Variants in SGMS1 observed in about 807,000 individuals in gnomAD.
The protein encoded by SGMS1 is sphingomyelin synthase 1.
Under a neutral mutation model 46.2 loss-of-function variants are expected in SGMS1, and 13 were observed. The observed-to-expected ratio is 0.28, with a 90% confidence interval of 0.18 to 0.45. The LOEUF is 0.45. Among genes scored for constraint, SGMS1 ranks in the 20% least tolerant of loss-of-function variants. SGMS1 has a pLI of 1.00. For synonymous variants in SGMS1, 203 were observed against 187.8 expected, an observed-to-expected ratio of 1.08 and a Z score of -0.66; for missense variants, 324 against 519.9, an observed-to-expected ratio of 0.62 and a Z score of 3.66.
intron 9 of SGMS1, among the ~76,000 whole-genome samples, chr10:50,310,382 GAATA>G (rs533076919): frequency 3.6e-4 from 55 of 152,284 alleles, no homozygotes; most frequent in African/African-American, 1.3e-3. Flanking sequence ...GTAGAGAAAT[GAATA>G]AATATGTGTA....
chr10:50,456,622 T>C (rs539766440), intron 5 of SGMS1, among the ~76,000 whole-genome samples: 14 of 152,118 alleles, frequency 9.2e-5, no homozygotes, highest in Non-Finnish European at 1.9e-4. Flanking sequence ...AATACTACAT[T>C]ATGCATGTCT....
At chr10:50,573,667 C>A (rs1054445046) in intron 2 of SGMS1, among the ~76,000 whole-genome samples, 17 of 151,992 alleles carry the variant, frequency 1.1e-4, no homozygotes, top group African/African-American at 3.6e-4. Flanking sequence ...AGACAAAAAT[C>A]CTAAAATTTG....
chr10:50,616,699 T>C (rs1176536142), intron 1 of SGMS1, among the ~76,000 whole-genome samples: 3 of 152,192 alleles, frequency 2.0e-5, no homozygotes, highest in African/African-American at 7.2e-5. Flanking sequence ...AAAACACCTA[T>C]TAGCCTCCCT....
chr10:50,544,362 G>A (rs1340019159), intron 2 of SGMS1, among the ~76,000 whole-genome samples: 1 of 152,166 alleles, frequency 6.6e-6, no homozygotes, highest in Non-Finnish European at 1.5e-5. Context: ...GGAATCCAGA[G>A]CTCTAAACAA....
chr10:50,327,558 G>C (rs1055934667), intron 7 of SGMS1, among the ~76,000 whole-genome samples: 3 of 152,138 alleles, frequency 2.0e-5, no homozygotes, highest in African/African-American at 4.8e-5. Flanking sequence ...GGTTTATATT[G>C]CTATTAATTA....
intron 2 of SGMS1, among the ~76,000 whole-genome samples, chr10:50,537,715 TG>T (rs1196358370): frequency 6.6e-6 from 1 of 151,912 alleles, no homozygotes; most frequent in Non-Finnish European, 1.5e-5. Flanking sequence ...TGGTAGTTTT[TG>T]AAATAGGAAT....
intron 7 of SGMS1, among the ~76,000 whole-genome samples, chr10:50,329,063 T>G (rs1173442947): frequency 2.0e-5 from 3 of 152,150 alleles, no homozygotes; most frequent in Non-Finnish European, 2.9e-5. Context: ...GCTGAACTCT[T>G]TAGAGGAAGA....
chr10:50,588,941 G>A (rs777767101), intron 2 of SGMS1, among the ~76,000 whole-genome samples: 2 of 152,010 alleles, frequency 1.3e-5, no homozygotes, highest in Non-Finnish European at 2.9e-5. Context: ...ATGTTGGCCA[G>A]GCAGGTCTTA....
At position 50,523,146 on chromosome 10, in the gene SGMS1, C is replaced by A. The variant is rs146112858; in HGVS notation, c.-588-3225G>T. Among the ~76,000 whole-genome samples the A allele has an allele frequency of 2.9e-3, 435 of 152,272 alleles. 3 individuals are homozygous for A. Among genetic ancestry groups the A allele is most frequent in the African/African-American group, 1.0e-2 (415 of 41,542 alleles). ...GCTGTTCACTGCCTGAAAACCACAG[C>A]CTCATAGATAGTAGTCCTTTTTTCT... On this transcript the variant is annotated intron_variant, in intron 2 of 10. Transcript: ENST00000361781.
chr10:50,515,437 C>T lies in SGMS1; in HGVS notation c.-498+4394G>A, dbSNP rs575520435. Among the ~76,000 whole-genome samples, 6 of 152,300 alleles carry T rather than the reference C, an allele frequency of 3.9e-5. No individual in the cohort carries two copies. In the South Asian group the frequency reaches 8.3e-4, roughly 21 times the overall value. Reference sequence around the variant, plus strand: ...GTTAAAAATCATGCTAATCATGCAACTCATAACCTTCAAAGGGACCCATTT... The same window carrying T: ...GTTAAAAATCATGCTAATCATGCAATTCATAACCTTCAAAGGGACCCATTT... On this transcript the variant is annotated intron_variant, in intron 3 of 10. Coordinates refer to ENST00000361781, the MANE Select transcript of SGMS1 (RefSeq NM_147156.4).
At chr10:50,312,358 A>G (rs1467097943) in intron 8 of SGMS1, among the ~76,000 whole-genome samples, 2 of 149,226 alleles carry the variant, frequency 1.3e-5, no homozygotes, top group East Asian at 3.9e-4. Flanking sequence ...AAAAAAAAGA[A>G]TGGCAGATGG....
At chr10:50,335,084 A>G (rs1413965417) in intron 7 of SGMS1, 1 of 152,306 alleles carries the variant, frequency 6.6e-6, no homozygotes, top group Non-Finnish European at 1.5e-5. Flanking sequence ...AGGTGGAAGA[A>G]GAGAAATGTA....
At chr10:50,393,464 G>A (rs1848804939) in intron 6 of SGMS1, among the ~76,000 whole-genome samples, 1 of 152,126 alleles carries the variant, frequency 6.6e-6, no homozygotes, top group Non-Finnish European at 1.5e-5. Context: ...GAAGATACCT[G>A]CTAAAGCTTT....
chr10:50,346,859 C>T (rs1472422629), intron 6 of SGMS1, among the ~76,000 whole-genome samples: 1 of 152,060 alleles, frequency 6.6e-6, no homozygotes, highest in Non-Finnish European at 1.5e-5. Flanking sequence ...GCCACTGTAT[C>T]TGGCTAATTT....
intron 6 of SGMS1, among the ~76,000 whole-genome samples, chr10:50,423,682 A>G (rs575188713): frequency 1.1e-4 from 17 of 152,322 alleles, no homozygotes; most frequent in African/African-American, 3.8e-4. Flanking sequence ...AACACTTGGA[A>G]TACATTTCAC....
chr10:50,325,352 G>C (rs1322268561), intron 8 of SGMS1, among the ~76,000 whole-genome samples: 1 of 152,166 alleles, frequency 6.6e-6, no homozygotes, highest in African/African-American at 2.4e-5. Context: ...TAGATTTAAT[G>C]AGTTTTAACT....
At chr10:50,431,561 G>A (rs1160168102) in intron 6 of SGMS1, among the ~76,000 whole-genome samples, 4 of 152,178 alleles carry the variant, frequency 2.6e-5, no homozygotes, top group African/African-American at 9.7e-5. Context: ...ACATTGAGAT[G>A]TCTGATCTGG....
chr10:50,332,319 CT>C (rs1207845532), intron 7 of SGMS1, among the ~76,000 whole-genome samples: 1 of 152,134 alleles, frequency 6.6e-6, no homozygotes, highest in Non-Finnish European at 1.5e-5. Flanking sequence ...TCCTGGGACA[CT>C]TGCCTGTCAC....
intron 6 of SGMS1, among the ~76,000 whole-genome samples, chr10:50,424,056 T>A (rs1355909540): frequency 6.6e-6 from 1 of 152,176 alleles, no homozygotes; most frequent in Non-Finnish European, 1.5e-5. Flanking sequence ...ATGTCCAAGG[T>A]AAATCATCAA....
Sources: allele counts gnomAD v4.1 joint callset (sites outside exome capture counted in the v4.1 genomes callset), GRCh38; gene constraint gnomAD v4.1.1; transcripts MANE v1.5; gene names NCBI Gene and HGNC (gene_info 2026-07-23, HGNC 2026-07-21).